CREB5: variants seen among roughly 807,000 people sequenced by gnomAD.
CREB5 encodes the protein cAMP responsive element binding protein 5, also known as cyclic AMP-responsive element-binding protein 5.
CREB5 carries 19 observed loss-of-function variants against 57.1 expected under a neutral mutation model. The observed-to-expected ratio is 0.33, with a 90% CI of 0.23 to 0.49. The LOEUF (loss-of-function observed/expected upper bound fraction) is 0.49, where lower values mean the gene tolerates loss of function less well. Ranked by LOEUF, CREB5 falls within the 20% of genes least tolerant of loss-of-function variation. The pLI is 0.99. For missense variants in CREB5, 579 were observed against 671.6 expected (o/e 0.86, Z 1.52); for synonymous variants, 238 against 238.3 (o/e 1.00, Z 0.01).
At chr7:28,801,381 A>G (rs1319547293) in intron 7 of CREB5, among the ~76,000 whole-genome samples, 1 of 152,206 alleles carries the variant, frequency 6.6e-6, no homozygotes, top group Non-Finnish European at 1.5e-5. Context: ...ATTTTTTTAA[A>G]AAGGCATGAT....
At chr7:28,651,740 G>A (rs1196776506) in intron 5 of CREB5, among the ~76,000 whole-genome samples, 1 of 152,126 alleles carries the variant, frequency 6.6e-6, no homozygotes, top group Non-Finnish European at 1.5e-5. Flanking sequence ...TCAAGGTGCT[G>A]TTTTGCATTC....
chr7:28,694,794 A>C (rs1801456747), intron 5 of CREB5, among the ~76,000 whole-genome samples: 1 of 151,916 alleles, frequency 6.6e-6, no homozygotes, highest in Non-Finnish European at 1.5e-5. Context: ...CAATCCTCCC[A>C]CCTCAGCCTC....
intron 5 of CREB5, among the ~76,000 whole-genome samples, chr7:28,662,459 G>A (rs1304487505): frequency 6.6e-6 from 1 of 152,218 alleles, no homozygotes; most frequent in East Asian, 1.9e-4. Flanking sequence ...GGCAGGAAAT[G>A]GCGGTGGTTA....
At chr7:28,810,020 C>T (rs1043758768) in intron 9 of CREB5, among the ~76,000 whole-genome samples, 3 of 152,134 alleles carry the variant, frequency 2.0e-5, no homozygotes, top group Non-Finnish European at 2.9e-5. Flanking sequence ...TGCCAACTCA[C>T]CAAGATTTGA....
At chr7:28,717,642 C>G (rs569258419) in intron 5 of CREB5, among the ~76,000 whole-genome samples, 2 of 152,260 alleles carry the variant, frequency 1.3e-5, no homozygotes, top group African/African-American at 4.8e-5. Flanking sequence ...GCAACCTTTG[C>G]CCAGCACTTA....
chr7:28,427,490 T>C (rs1788554738), intron 1 of CREB5, among the ~76,000 whole-genome samples: 1 of 152,160 alleles, frequency 6.6e-6, no homozygotes, highest in Non-Finnish European at 1.5e-5. Context: ...CTCCTTTCCC[T>C]TAGGCTGGTT....
At chr7:28,608,113 T>TCTCTCA (rs1484747649) in intron 5 of CREB5, among the ~76,000 whole-genome samples, 2 of 143,070 alleles carry the variant, frequency 1.4e-5, no homozygotes, top group African/African-American at 5.4e-5. Flanking sequence ...TCTCTCTCTC[T>TCTCTCA]CACACACACT....
chr7:28,345,969 G>A (rs757922334), intron 1 of CREB5, among the ~76,000 whole-genome samples: 7 of 152,090 alleles, frequency 4.6e-5, no homozygotes, highest in South Asian at 2.1e-4. Flanking sequence ...ACTGTGGGGC[G>A]GGACCTCTGT....
chr7:28,804,417 C>G lies in CREB5; in HGVS notation c.921C>G (p.His307Gln), dbSNP rs1319970262. The G allele has an allele frequency of 3.1e-6, 5 of 1,613,562 alleles. No homozygotes were observed. Among genetic ancestry groups the G allele is most frequent in the Non-Finnish European group, 4.2e-6 (5 of 1,180,012 alleles). ...ACCATCCTCACCCTCAACCCCATCA[C>G]CAGCAGAACCATCCACATCACCACT... ...PAHHPHPQPH[H>Q]QQNHPHHHSH... The change falls in exon 8 of 11, where the codon CAC becomes CAG. Residue 307 changes from histidine to glutamine, a missense_variant. By Grantham distance (24) the His-to-Gln change is conservative (BLOSUM62 0). Coordinates refer to ENST00000357727, the MANE Select transcript of CREB5 (RefSeq NM_182898.4).
At chr7:28,567,657 T>C (rs1795535538) in intron 4 of CREB5, among the ~76,000 whole-genome samples, 1 of 152,192 alleles carries the variant, frequency 6.6e-6, no homozygotes, top group South Asian at 2.1e-4. Context: ...CAGGAAAGGT[T>C]TGCCTACATG....
chr7:28,515,510 C>G (rs1217422192), intron 4 of CREB5, among the ~76,000 whole-genome samples: 1 of 152,196 alleles, frequency 6.6e-6, no homozygotes, highest in Non-Finnish European at 1.5e-5. Context: ...GAACATACCA[C>G]TGCTATTCCT....
At chr7:28,699,179 T>TC (rs1801722315) in intron 5 of CREB5, among the ~76,000 whole-genome samples, 3 of 148,458 alleles carry the variant, frequency 2.0e-5, no homozygotes, top group Admixed American at 1.3e-4. Context: ...TTCTTCTTCT[T>TC]TTTTTTTTTT....
chr7:28,385,502 C>T (rs758120853), intron 1 of CREB5, among the ~76,000 whole-genome samples: 2 of 151,922 alleles, frequency 1.3e-5, no homozygotes, highest in Non-Finnish European at 2.9e-5. Flanking sequence ...CATGGTGAAA[C>T]CCTGTCTCTA....
intron 7 of CREB5, among the ~76,000 whole-genome samples, chr7:28,774,065 C>T (rs1282880184): frequency 6.6e-6 from 1 of 152,206 alleles, no homozygotes; most frequent in Admixed American, 6.5e-5. Context: ...CTCTTGACTA[C>T]CAAGGAATTC....
intron 5 of CREB5, among the ~76,000 whole-genome samples, chr7:28,607,337 G>A (rs1007932074): frequency 5.9e-5 from 9 of 152,154 alleles, no homozygotes; most frequent in Non-Finnish European, 1.3e-4. Flanking sequence ...ATAGGAAGAG[G>A]AAAGCTGTTG....
chr7:28,470,730 C>T (rs564550785), intron 1 of CREB5, among the ~76,000 whole-genome samples: 3 of 152,122 alleles, frequency 2.0e-5, no homozygotes, highest in Admixed American at 1.3e-4. Flanking sequence ...CACATCCTCG[C>T]CAGCATTTGT....
chr7:28,814,728 G>T (rs1440872576), intron 9 of CREB5, among the ~76,000 whole-genome samples: 2 of 152,094 alleles, frequency 1.3e-5, no homozygotes, highest in African/African-American at 4.8e-5. Context: ...TACTTGGTTG[G>T]CATGGCAGCT....
chr7:28,769,682 G>T (rs1209671707), intron 7 of CREB5, among the ~76,000 whole-genome samples: 1 of 152,184 alleles, frequency 6.6e-6, no homozygotes. Context: ...GTCTCCTTGG[G>T]TACCTGACTG....
At chr7:28,439,886 G>T (rs41481946) in intron 1 of CREB5, among the ~76,000 whole-genome samples, 2,606 of 152,214 alleles carry the variant, frequency 0.017, 86 homozygotes, top group African/African-American at 0.059. Context: ...AGCCTTGTAT[G>T]CCCAGAGCCT....
Sources: allele counts gnomAD v4.1 joint callset (sites outside exome capture counted in the v4.1 genomes callset), GRCh38; gene constraint gnomAD v4.1.1; transcripts MANE v1.5; gene names NCBI Gene and HGNC (gene_info 2026-07-23, HGNC 2026-07-21).